ZBTB7C: variants seen among roughly 807,000 people sequenced by gnomAD.
ZBTB7C encodes zinc finger and BTB domain containing 7C, also known as zinc finger and BTB domain-containing protein 7C.
A neutral mutation model predicts 25.7 loss-of-function variants in ZBTB7C; 8 were observed. That is an observed-to-expected ratio of 0.31 (90% CI 0.18 to 0.56). The LOEUF is 0.56. Ranked by LOEUF, ZBTB7C falls within the 20% of genes least tolerant of loss-of-function variation. ZBTB7C has a pLI of 0.91. For synonymous variants in ZBTB7C, 394 were observed against 369.0 expected, an observed-to-expected ratio of 1.07 and a Z score of -0.78; for missense variants, 824 against 855.2, an observed-to-expected ratio of 0.96 and a Z score of 0.46.
At chr18:48,286,184 A>G (rs1382102674) in intron 2 of ZBTB7C, among the ~76,000 whole-genome samples, 1 of 151,576 alleles carries the variant, frequency 6.6e-6, no homozygotes. Flanking sequence ...TCATTTTATC[A>G]GGGTATAATT....
chr18:48,230,004 G>A (rs2043209050), intron 2 of ZBTB7C, among the ~76,000 whole-genome samples: 1 of 152,230 alleles, frequency 6.6e-6, no homozygotes, highest in Admixed American at 6.5e-5. Flanking sequence ...AGGCAAACAG[G>A]TGGGAGGGCC....
chr18:48,172,462 C>T (rs1418576719), intron 3 of ZBTB7C, among the ~76,000 whole-genome samples: 1 of 152,136 alleles, frequency 6.6e-6, no homozygotes, highest in Non-Finnish European at 1.5e-5. Context: ...GGAGCGGAGT[C>T]TGTGTGCCCT....
chr18:48,051,624 G>A (rs1276183446), intron 3 of ZBTB7C, among the ~76,000 whole-genome samples: 1 of 151,894 alleles, frequency 6.6e-6, no homozygotes, highest in African/African-American at 2.4e-5. Flanking sequence ...GGGGGCGCTC[G>A]CATCTTCCCT....
chr18:48,090,150 C>T (rs984874695), intron 3 of ZBTB7C, among the ~76,000 whole-genome samples: 1 of 152,240 alleles, frequency 6.6e-6, no homozygotes, highest in Non-Finnish European at 1.5e-5. Context: ...GTGGTTTTTC[C>T]TGTGAGTCCC....
chr18:48,031,828 G>A (rs1287287981), intron 4 of ZBTB7C, among the ~76,000 whole-genome samples: 2 of 152,218 alleles, frequency 1.3e-5, no homozygotes, highest in South Asian at 2.1e-4. Context: ...GAGGGTCATG[G>A]CAGGCCCGGG....
intron 1 of ZBTB7C, among the ~76,000 whole-genome samples, chr18:48,339,874 C>G (rs978042105): frequency 5.9e-5 from 9 of 152,142 alleles, no homozygotes; most frequent in African/African-American, 2.2e-4. Context: ...AAATTGGCTG[C>G]GATAAACAGC....
intron 1 of ZBTB7C, chr18:48,408,785 C>G (rs906689393): frequency 5.9e-5 from 9 of 151,926 alleles, no homozygotes; most frequent in Admixed American, 4.6e-4. Flanking sequence ...CCCGCAGGCG[C>G]CGCCGAGCCC....
intron 3 of ZBTB7C, among the ~76,000 whole-genome samples, chr18:48,092,207 A>G (rs527589752): frequency 6.6e-6 from 1 of 152,346 alleles, no homozygotes; most frequent in East Asian, 1.9e-4. Flanking sequence ...GGCTCACAGC[A>G]TTAGTCAACA....
At chr18:48,258,307 TTATC>T (rs2044078022) in intron 2 of ZBTB7C, among the ~76,000 whole-genome samples, 2 of 152,174 alleles carry the variant, frequency 1.3e-5, no homozygotes, top group African/African-American at 4.8e-5. Flanking sequence ...GACACCATGA[TTATC>T]TATGTACAAA....
intron 3 of ZBTB7C, among the ~76,000 whole-genome samples, chr18:48,043,409 G>T (rs187186212): frequency 0.014 from 2,105 of 152,296 alleles, 58 homozygotes; most frequent in African/African-American, 0.046. Flanking sequence ...GCAATAAAAA[G>T]GAGTGAATTC....
Position 48,032,742 on chromosome 18 carries a change from GT to G in ZBTB7C, c.1209-2832del, listed in dbSNP as rs112652161. Among the ~76,000 whole-genome samples the G allele has an allele frequency of 1.6e-3, 239 of 151,958 alleles. 2 individuals carry two copies. The highest frequency in any genetic ancestry group is 5.6e-3 in the African/African-American group (231 of 41,436). On this transcript the variant is annotated intron_variant, in intron 4 of 4. Coordinates refer to ENST00000590800, the MANE Select transcript of ZBTB7C (RefSeq NM_001318841.2). ...TGAGCCACCGCCCCTGGCCAGGTAGGTTTTTTTTAAGTCACTATTACACATA... is the reference window on the plus strand; with the variant it reads ...TGAGCCACCGCCCCTGGCCAGGTAGGTTTTTTTAAGTCACTATTACACATA...
intron 3 of ZBTB7C, among the ~76,000 whole-genome samples, chr18:48,184,349 T>A (rs1171238999): frequency 6.6e-6 from 1 of 152,192 alleles, no homozygotes; most frequent in Non-Finnish European, 1.5e-5. Context: ...AATGTCCAGT[T>A]ATGTGCAGCG....
At chr18:48,087,587 C>A (rs944006006) in intron 3 of ZBTB7C, 9 of 151,878 alleles carry the variant, frequency 5.9e-5, no homozygotes, top group African/African-American at 1.7e-4. Context: ...GAGTTTAAGA[C>A]CAACCGGTGC....
At chr18:48,168,890 C>T (rs1418450336) in intron 3 of ZBTB7C, among the ~76,000 whole-genome samples, 3 of 152,240 alleles carry the variant, frequency 2.0e-5, no homozygotes, top group African/African-American at 4.8e-5. Context: ...CCTTGACCCT[C>T]ACCTCTCTGG....
rs12606413 is a variant in ZBTB7C, at chr18:48,326,376, G to A, written c.-79+11798C>T. Among the ~76,000 whole-genome samples, 203 of 152,266 alleles carry A rather than the reference G, an allele frequency of 1.3e-3. 2 individuals carry two copies. In the East Asian group the frequency reaches 0.03, roughly 22 times the overall value. On this transcript the variant is annotated intron_variant, in intron 2 of 4. Transcript: ENST00000590800. ...CTTCCAAAGGGCTGGGATTACAGGCGTGAGTCACCATGCCCGGCCTCTACC... is the reference window on the plus strand; with the variant it reads ...CTTCCAAAGGGCTGGGATTACAGGCATGAGTCACCATGCCCGGCCTCTACC...
intron 1 of ZBTB7C, 121 bp from the exon 2 acceptor site, chr18:48,338,519 C>G (rs986350013): frequency 6.6e-6 from 1 of 152,198 alleles, no homozygotes; most frequent in African/African-American, 2.4e-5. Context: ...GCCTGCAATT[C>G]TTCATGACTA....
rs76407838 is a variant in ZBTB7C at position 48,350,087 on chromosome 18, T to C, written c.-303-11689A>G. ...CTTAAAAACTGTTTTCTTTGTTTAT[T>C]GTTTTGAGTGGAATATTAGCTTTCT... On this transcript the variant is annotated intron_variant, in intron 1 of 4. Coordinates refer to ENST00000590800, the MANE Select transcript of ZBTB7C (RefSeq NM_001318841.2). Among the ~76,000 whole-genome samples the C allele has an allele frequency of 6.2e-3, 946 of 152,342 alleles. 4 individuals are homozygous for C. Among genetic ancestry groups the C allele is most frequent in the East Asian group, 0.028 (145 of 5,184 alleles).
chr18:48,216,474 G>C (rs1278496956), intron 2 of ZBTB7C, among the ~76,000 whole-genome samples: 1 of 151,390 alleles, frequency 6.6e-6, no homozygotes, highest in Non-Finnish European at 1.5e-5. Flanking sequence ...CAGTTGCTAG[G>C]AGTTGAGGGA....
intron 3 of ZBTB7C, among the ~76,000 whole-genome samples, chr18:48,069,380 A>G (rs1041710671): frequency 6.6e-6 from 1 of 152,188 alleles, no homozygotes; most frequent in Non-Finnish European, 1.5e-5. Flanking sequence ...GCGGTCTCTC[A>G]TCACTGTTCC....
Sources: allele counts gnomAD v4.1 joint callset (sites outside exome capture counted in the v4.1 genomes callset), GRCh38; gene constraint gnomAD v4.1.1; transcripts MANE v1.5; gene names NCBI Gene and HGNC (gene_info 2026-07-23, HGNC 2026-07-21).